Variants in PCDHA3 observed in about 807,000 individuals in gnomAD.
PCDHA3 encodes the protein protocadherin alpha 3.
PCDHA3 carries 41 observed loss-of-function variants against 62.2 expected under a neutral mutation model. The observed-to-expected ratio is 0.66, with a 90% CI of 0.51 to 0.86. The LOEUF is 0.86. PCDHA3 is among the 40% of genes least tolerant of loss of function. The pLI is 0.00. For synonymous variants in PCDHA3, 640 were observed against 555.4 expected (o/e 1.15, Z -2.14); for missense variants, 1,304 against 1,241.2 (o/e 1.05, Z -0.76).
At chr5:140,840,874 T>C (rs1776919998) in intron 1 of PCDHA3, among the ~76,000 whole-genome samples, 1 of 152,016 alleles carries the variant, frequency 6.6e-6, no homozygotes, top group Non-Finnish European at 1.5e-5. Context: ...GAGGACAGTT[T>C]ACATTTCTGA....
chr5:140,871,490 G>A (rs1554165680), intron 1 of PCDHA3: 1 of 1,590,548 alleles, frequency 6.3e-7, no homozygotes, highest in Admixed American at 1.8e-5. Context: ...AATCACCCCG[G>A]ACAGGTGAGT....
intron 1 of PCDHA3, among the ~76,000 whole-genome samples, chr5:140,918,114 G>C (rs989175486): frequency 5.8e-4 from 89 of 152,144 alleles, no homozygotes; most frequent in African/African-American, 2.1e-3. Flanking sequence ...TCACATCCTT[G>C]ATTAGCCATA....
At chr5:140,817,887 CA>C (rs1647110871) in intron 1 of PCDHA3, among the ~76,000 whole-genome samples, 1 of 152,074 alleles carries the variant, frequency 6.6e-6, no homozygotes, top group Non-Finnish European at 1.5e-5. Context: ...TTATTTTTGC[CA>C]GCACTTTTAA....
chr5:140,955,889 G>A (rs246016), intron 1 of PCDHA3, among the ~76,000 whole-genome samples: 85,633 of 151,918 alleles, frequency 0.56, 24,754 homozygotes, highest in African/African-American at 0.69. Flanking sequence ...ATTCCTAGGT[G>A]TTTTATTCTC....
At chr5:140,876,274 G>C (rs1554168448) in intron 1 of PCDHA3, 8 of 1,613,990 alleles carry the variant, frequency 5.0e-6, no homozygotes, top group Non-Finnish European at 6.8e-6. Context: ...AAATGCTTCC[G>C]ATCCAGACGA....
At chr5:140,883,825 G>T in intron 1 of PCDHA3, 1 of 1,612,576 alleles carries the variant, frequency 6.2e-7, no homozygotes, top group South Asian at 1.1e-5. Context: ...AGGTGTACGC[G>T]CTGCAGCCGT....
At chr5:140,821,787 C>T in intron 1 of PCDHA3, 2 of 1,611,374 alleles carry the variant, frequency 1.2e-6, no homozygotes, top group East Asian at 4.5e-5. Context: ...TGGTATATTC[C>T]CGGAGAGGAA....
chr5:140,843,751 T>A (rs2150366147), intron 1 of PCDHA3: 1 of 1,519,852 alleles, frequency 6.6e-7, no homozygotes, highest in Non-Finnish European at 9.0e-7. Context: ...ATAAATTCTA[T>A]TTGTGGAAAT....
At chr5:140,871,840 C>G (rs1214510248) in intron 1 of PCDHA3, among the ~76,000 whole-genome samples, 1 of 152,256 alleles carries the variant, frequency 6.6e-6, no homozygotes, top group Admixed American at 6.5e-5. Context: ...CTCTAAACTT[C>G]AATTATGACC....
At chr5:140,818,319 T>G (rs2150100782) in intron 1 of PCDHA3, among the ~76,000 whole-genome samples, 2 of 152,234 alleles carry the variant, frequency 1.3e-5, no homozygotes, top group Admixed American at 1.3e-4. Flanking sequence ...CTTTAGGAAT[T>G]TTATCTTGTT....
intron 1 of PCDHA3, chr5:140,809,026 G>A (rs781872778): frequency 1.9e-6 from 3 of 1,613,446 alleles, no homozygotes; most frequent in Middle Eastern, 1.7e-4. Context: ...AGCTGCAGCC[G>A]GGGACTGGTG....
intron 1 of PCDHA3, chr5:140,967,846 C>A: frequency 6.2e-7 from 1 of 1,614,166 alleles, no homozygotes; most frequent in Non-Finnish European, 8.5e-7. Context: ...ACGTGAATGA[C>A]AATGCCCCAG....
chr5:140,988,817 C>T (rs1244038207), intron 3 of PCDHA3: 8 of 152,028 alleles, frequency 5.3e-5, no homozygotes, highest in Admixed American at 1.3e-4. Context: ...TAACAGTAGC[C>T]CCAAACAGAG....
intron 1 of PCDHA3, among the ~76,000 whole-genome samples, chr5:140,904,227 C>G (rs1373458999): frequency 2.6e-5 from 4 of 151,978 alleles, no homozygotes; most frequent in Middle Eastern, 3.2e-3. Context: ...TTGTATTATA[C>G]TTATGCCTTT....
intron 3 of PCDHA3, among the ~76,000 whole-genome samples, chr5:140,996,580 C>T (rs1351485354): frequency 6.6e-6 from 1 of 152,130 alleles, no homozygotes; most frequent in African/African-American, 2.4e-5. Context: ...AATTTGTTAA[C>T]AAGGGCCGCC....
At chr5:140,841,101 C>T (rs1282601439) in intron 1 of PCDHA3, 2 of 575,780 alleles carry the variant, frequency 3.5e-6, no homozygotes, top group East Asian at 3.0e-5. Context: ...CCAGATATTG[C>T]GGAAGTAATT....
intron 1 of PCDHA3, chr5:140,927,082 C>G (rs141480000): frequency 6.2e-7 from 1 of 1,611,100 alleles, no homozygotes; most frequent in Non-Finnish European, 8.5e-7. Flanking sequence ...CCACCGCGAG[C>G]TCTACTTCGG....
rs1554206991 is a variant in PCDHA3, at chr5:140,929,323, A to G, written c.2395-49626A>G. 4 of 1,540,320 alleles carry G rather than the reference A, an allele frequency of 2.6e-6. No homozygotes were observed. In the Admixed American group the frequency reaches 8.1e-5, roughly 31 times the overall value. On this transcript the variant is annotated intron_variant, in intron 1 of 3. Transcript: ENST00000522353. ...AGGGGATCACGCTAATGTCAATGCC[A>G]TGGTAAGCAAATTTTATGGAATTTG...
Position 140,842,580 on chromosome 5 carries a change from C to G in PCDHA3, c.2394+38989C>G. ...GCCCTGGACCGCGAGAGAGTGTCGG[C>G]CTATGAGTTGGTGGTAACCGCGCGG... On this transcript the variant is annotated intron_variant, in intron 1 of 3. Coordinates refer to ENST00000522353, the MANE Select transcript of PCDHA3 (RefSeq NM_018906.3). 1 of 1,517,750 alleles carries G rather than the reference C, an allele frequency of 6.6e-7. No homozygotes were observed. The highest frequency in any genetic ancestry group is 9.0e-7 in the Non-Finnish European group (1 of 1,116,480). The allele number at this position is 1,517,750 out of a possible 1,614,324, so 94.0% of individuals were successfully genotyped here. A position where few individuals can be genotyped will look rare whatever the true frequency, so the allele number is the denominator to read the frequency against.
Sources: allele counts gnomAD v4.1 joint callset (sites outside exome capture counted in the v4.1 genomes callset), GRCh38; gene constraint gnomAD v4.1.1; transcripts MANE v1.5; gene names NCBI Gene and HGNC (gene_info 2026-07-23, HGNC 2026-07-21).